Variants in TSPAN18 observed in about 807,000 individuals in gnomAD.
TSPAN18 encodes the protein tetraspanin-18.
In TSPAN18, 14 loss-of-function variants were observed where a neutral mutation model predicts 27.3. The ratio of observed to expected loss-of-function variants is 0.51; its 90% CI spans 0.34 to 0.80. The LOEUF is 0.80. Ranked by LOEUF, TSPAN18 falls within the 30% of genes least tolerant of loss-of-function variation. The probability of loss-of-function intolerance (pLI) is 0.01; values close to 1 mark genes in which losing one functional copy is unlikely to be tolerated. For synonymous variants in TSPAN18, 143 were observed against 136.5 expected (o/e 1.05, Z -0.33); for missense variants, 268 against 323.9 (o/e 0.83, Z 1.32).
chr11:44,850,325 A>G (rs1031530697), intron 2 of TSPAN18, among the ~76,000 whole-genome samples: 1 of 152,086 alleles, frequency 6.6e-6, no homozygotes, highest in Non-Finnish European at 1.5e-5. Context: ...AAGAGAACCG[A>G]TGACAATTCC....
rs1370473891 is a variant in TSPAN18 at position 44,929,293 on chromosome 11, A to T, written c.*115A>T. 5 of 1,296,184 alleles carry T rather than the reference A, an allele frequency of 3.9e-6. No homozygotes were observed. Among genetic ancestry groups the T allele is most frequent in the Non-Finnish European group, 5.4e-6 (5 of 917,540 alleles). 80.3% of individuals were successfully genotyped at this position (1,296,184 alleles called of 1,614,324 possible). Reference sequence around the variant, plus strand: ...CCCCAGGGGAGAAGATGAGGCCATCAGAGATGGCCAGGAGAAGGGCCAGGG... The same window carrying T: ...CCCCAGGGGAGAAGATGAGGCCATCTGAGATGGCCAGGAGAAGGGCCAGGG... On this transcript the variant is annotated 3_prime_UTR_variant, in exon 10 of 10. Transcript: ENST00000520358.
chr11:44,860,060 T>A (rs577474250), intron 2 of TSPAN18, among the ~76,000 whole-genome samples: 218 of 152,348 alleles, frequency 1.4e-3, no homozygotes, highest in South Asian at 2.7e-3. Context: ...AGGGGCACTG[T>A]GCTAGATGCA....
chr11:44,788,457 T>TC (rs1491199084), intron 2 of TSPAN18, among the ~76,000 whole-genome samples: 3 of 83,388 alleles, frequency 3.6e-5, no homozygotes, highest in African/African-American at 1.0e-4. Flanking sequence ...TTTTTTTCTC[T>TC]TTTTTTTTTT....
At chr11:44,842,120 G>A (rs1283368289) in intron 2 of TSPAN18, among the ~76,000 whole-genome samples, 1 of 152,216 alleles carries the variant, frequency 6.6e-6, no homozygotes, top group East Asian at 1.9e-4. Flanking sequence ...TCCAGCTCTA[G>A]TGGTCCTTCC....
chr11:44,878,607 CA>C (rs1355501865), intron 3 of TSPAN18, among the ~76,000 whole-genome samples: 1 of 152,146 alleles, frequency 6.6e-6, no homozygotes, highest in Non-Finnish European at 1.5e-5. Context: ...AGAGGGTATA[CA>C]AAGTCTCAGG....
intron 2 of TSPAN18, among the ~76,000 whole-genome samples, chr11:44,781,270 C>T (rs762314360): frequency 1.3e-5 from 2 of 152,244 alleles, no homozygotes; most frequent in African/African-American, 2.4e-5. Flanking sequence ...CAGTGTCCAG[C>T]ATGAGGCTCT....
At chr11:44,729,080 C>T (rs1854589021) in intron 1 of TSPAN18, among the ~76,000 whole-genome samples, 1 of 152,100 alleles carries the variant, frequency 6.6e-6, no homozygotes, top group African/African-American at 2.4e-5. Context: ...TGTAGTCTGC[C>T]ACATGTTTTT....
At chr11:44,864,085 G>A (rs1213052355) in intron 3 of TSPAN18, among the ~76,000 whole-genome samples, 2 of 151,796 alleles carry the variant, frequency 1.3e-5, no homozygotes, top group Non-Finnish European at 2.9e-5. Flanking sequence ...TCAGGAGTTC[G>A]AGAGCAGCCT....
chr11:44,849,028 A>G (rs1371954129), intron 2 of TSPAN18, among the ~76,000 whole-genome samples: 2 of 152,250 alleles, frequency 1.3e-5, no homozygotes, highest in African/African-American at 4.8e-5. Flanking sequence ...CATCTTTAAA[A>G]TGGGAGAACA....
chr11:44,839,411 T>G (rs1857324703), intron 2 of TSPAN18, among the ~76,000 whole-genome samples: 1 of 152,194 alleles, frequency 6.6e-6, no homozygotes, highest in South Asian at 2.1e-4. Flanking sequence ...CCTAATGAGC[T>G]TCTCCCTCGG....
intron 3 of TSPAN18, among the ~76,000 whole-genome samples, chr11:44,861,059 G>A (rs1392013572): frequency 4.6e-5 from 7 of 152,062 alleles, no homozygotes; most frequent in Non-Finnish European, 7.4e-5. Context: ...GGCAGGCAGG[G>A]CTGAATCCAG....
chr11:44,760,660 A>T (rs1375588648), intron 1 of TSPAN18, among the ~76,000 whole-genome samples: 1 of 152,144 alleles, frequency 6.6e-6, no homozygotes, highest in Non-Finnish European at 1.5e-5. Context: ...TGAGAGCTCC[A>T]CCCCTAGTTT....
chr11:44,779,603 C>T (rs17786611), intron 2 of TSPAN18, among the ~76,000 whole-genome samples: 6,797 of 152,164 alleles, frequency 0.045, 295 homozygotes, highest in East Asian at 0.16. Context: ...CTAATGGGTA[C>T]ACACACTGCT....
chr11:44,882,147 G>A (rs1046655274), intron 3 of TSPAN18, among the ~76,000 whole-genome samples: 1 of 152,152 alleles, frequency 6.6e-6, no homozygotes, highest in South Asian at 2.1e-4. Context: ...AGCACCCAGG[G>A]ATAGGGTCAG....
chr11:44,740,278 G>A (rs1464481903), intron 1 of TSPAN18, among the ~76,000 whole-genome samples: 4 of 152,238 alleles, frequency 2.6e-5, no homozygotes, highest in Admixed American at 1.3e-4. Flanking sequence ...CGGGAGACCC[G>A]TGGGTCAGGA....
intron 3 of TSPAN18, among the ~76,000 whole-genome samples, chr11:44,884,852 C>T (rs1283098320): frequency 6.6e-6 from 1 of 152,262 alleles, no homozygotes; most frequent in Non-Finnish European, 1.5e-5. Flanking sequence ...TCTCTCCATT[C>T]TCTGTCCCCA....
At chr11:44,829,561 A>G (rs1857112734) in intron 2 of TSPAN18, among the ~76,000 whole-genome samples, 1 of 152,138 alleles carries the variant, frequency 6.6e-6, no homozygotes, top group Non-Finnish European at 1.5e-5. Context: ...GGACAAATGC[A>G]ATTTGTTTAC....
rs1859531698 is a variant in TSPAN18 at position 44,908,288 on chromosome 11, C to A, written c.64-1417C>A. Reference sequence around the variant, plus strand: ...CCAAAGCCCAGCAGTTTTCCTGTCGCCCAGCTGTCAACCCTCACACAGGCC... The same window carrying A: ...CCAAAGCCCAGCAGTTTTCCTGTCGACCAGCTGTCAACCCTCACACAGGCC... On this transcript the variant is annotated intron_variant, in intron 4 of 9. Transcript: ENST00000520358. Among the ~76,000 whole-genome samples, 5 of 152,242 alleles carry A rather than the reference C, an allele frequency of 3.3e-5. No homozygotes were observed. In the South Asian group the frequency reaches 1.0e-3, roughly 32 times the overall value.
rs1486297163 is a variant in TSPAN18 at position 44,909,864 on chromosome 11, G to A, written c.223G>A (p.Gly75Arg). The A allele has an allele frequency of 6.8e-6, 11 of 1,613,702 alleles. No homozygotes were observed. The highest frequency in any genetic ancestry group is 2.7e-5 in the African/African-American group (2 of 74,944). Residue 75 changes from glycine to arginine, a missense_variant, in exon 5 of 10, where the codon GGG becomes AGG. Coordinates refer to ENST00000520358, the MANE Select transcript of TSPAN18 (RefSeq NM_130783.5). ...TCTGCTCGGCTTCCTGGGCTGCTGC[G>A]GGGCCGTCCGTGAGAACAAGTGTCT... ...LFLLGFLGCC[G>R]AVRENKCLLL...
Sources: gnomAD v4.1 joint callset for allele counts (sites outside exome capture counted in the v4.1 genomes callset) on GRCh38, gnomAD v4.1.1 for gene constraint, MANE v1.5 for transcripts, NCBI Gene and HGNC (gene_info 2026-07-23, HGNC 2026-07-21) for gene names.